POLR3B: variants seen among roughly 807,000 people sequenced by gnomAD.
POLR3B encodes RNA polymerase III subunit B.
In POLR3B, 96 loss-of-function variants were observed where a neutral mutation model predicts 147.4. The observed-to-expected ratio is 0.65, with a 90% CI of 0.55 to 0.77. The LOEUF (loss-of-function observed/expected upper bound fraction) is 0.77. Ranked by LOEUF, POLR3B falls within the 30% of genes least tolerant of loss-of-function variation. The pLI, the probability that POLR3B is intolerant of heterozygous loss-of-function variation, is 0.00. For missense variants in POLR3B, 1,036 were observed against 1,413.5 expected, an observed-to-expected ratio of 0.73 and a Z score of 4.28; for synonymous variants, 461 against 485.9, an observed-to-expected ratio of 0.95 and a Z score of 0.67.
At chr12:106,424,338 G>A (rs2037409811) in intron 12 of POLR3B, among the ~76,000 whole-genome samples, 1 of 152,136 alleles carries the variant, frequency 6.6e-6, no homozygotes, top group Admixed American at 6.6e-5. Context: ...CACTTTTTGT[G>A]CCATTGAAAT....
chr12:106,508,016 G>T (rs115462814), intron 27 of POLR3B, among the ~76,000 whole-genome samples: 2 of 152,202 alleles, frequency 1.3e-5, no homozygotes, highest in Non-Finnish European at 2.9e-5. Context: ...AAAATTTTAC[G>T]TATGATTTTG....
At chr12:106,380,392 G>A (rs527690342) in intron 9 of POLR3B, among the ~76,000 whole-genome samples, 7 of 145,286 alleles carry the variant, frequency 4.8e-5, no homozygotes, top group Non-Finnish European at 8.9e-5. Context: ...TGTGCAACAT[G>A]GTGAAACCCC....
At chr12:106,404,751 T>A (rs1245269725) in intron 10 of POLR3B, among the ~76,000 whole-genome samples, 1 of 152,160 alleles carries the variant, frequency 6.6e-6, no homozygotes, top group East Asian at 1.9e-4. Flanking sequence ...TTAGGAGGAT[T>A]TTTTTATTTG....
At chr12:106,437,932 G>T (rs1345219029) in intron 18 of POLR3B, among the ~76,000 whole-genome samples, 153 bp downstream of exon 18, 1 of 152,124 alleles carries the variant, frequency 6.6e-6, no homozygotes, top group East Asian at 1.9e-4. Flanking sequence ...TGAACATGCA[G>T]GTTTGTTACA....
intron 8 of POLR3B, 42 bp from the exon 9 acceptor site, chr12:106,379,989 C>A: frequency 1.8e-6 from 2 of 1,129,616 alleles, no homozygotes; most frequent in Non-Finnish European, 1.4e-6. Context: ...TAGCTTGAAA[C>A]TAAGTGGGGA....
intron 11 of POLR3B, among the ~76,000 whole-genome samples, chr12:106,406,577 C>T (rs1025541238): frequency 6.6e-6 from 1 of 152,176 alleles, no homozygotes; most frequent in African/African-American, 2.4e-5. Flanking sequence ...TTCACATTAT[C>T]CAGCCTCCTT....
intron 9 of POLR3B, among the ~76,000 whole-genome samples, chr12:106,384,897 A>T (rs1315839324): frequency 1.3e-5 from 2 of 149,912 alleles, no homozygotes; most frequent in Non-Finnish European, 3.0e-5. Flanking sequence ...GCGTGATCTC[A>T]GCTTAATGCA....
At chr12:106,368,857 G>T (rs146031509) in intron 4 of POLR3B, among the ~76,000 whole-genome samples, 1 of 151,720 alleles carries the variant, frequency 6.6e-6, no homozygotes, top group Non-Finnish European at 1.5e-5. Context: ...ATTAGTTTCC[G>T]CTTTATCCTT....
At chr12:106,449,891 A>C (rs1426344479) in intron 19 of POLR3B, among the ~76,000 whole-genome samples, 2 of 152,240 alleles carry the variant, frequency 1.3e-5, no homozygotes, top group Non-Finnish European at 2.9e-5. Context: ...TGAATGAATG[A>C]ATCTCTGAGA....
At chr12:106,402,656 A>G (rs1475049934) in intron 10 of POLR3B, among the ~76,000 whole-genome samples, 2 of 152,200 alleles carry the variant, frequency 1.3e-5, no homozygotes, top group Admixed American at 1.3e-4. Flanking sequence ...ATAATGCCAC[A>G]TATCTACAAC....
At chr12:106,472,635 G>T (rs2038110314) in intron 23 of POLR3B, among the ~76,000 whole-genome samples, 1 of 148,344 alleles carries the variant, frequency 6.7e-6, no homozygotes, top group Non-Finnish European at 1.5e-5. Flanking sequence ...ATTTTTTCAT[G>T]TGTTTTTTGG....
chr12:106,361,812 C>T (rs1489022095), intron 1 of POLR3B, among the ~76,000 whole-genome samples: 1 of 152,066 alleles, frequency 6.6e-6, no homozygotes, highest in African/African-American at 2.4e-5. Flanking sequence ...CAAGGCCCGG[C>T]CGGAGGAAGG....
At chr12:106,498,260 A>G (rs1200567568) in intron 25 of POLR3B, among the ~76,000 whole-genome samples, 2 of 152,180 alleles carry the variant, frequency 1.3e-5, no homozygotes, top group African/African-American at 4.8e-5. Flanking sequence ...AGTTCAGGGA[A>G]CAGGAAGAGG....
intron 16 of POLR3B, 58 bp from the exon 17 acceptor site, chr12:106,436,999 T>A: frequency 7.7e-7 from 1 of 1,306,468 alleles, no homozygotes. Flanking sequence ...TAAACTAACT[T>A]GCCTGTGTAA....
rs375679664 is a variant in POLR3B, at chr12:106,504,714, G to C, written c.3272+460G>C. Among the ~76,000 whole-genome samples, 1 of 152,190 alleles carries C rather than the reference G, an allele frequency of 6.6e-6. No individual in the cohort carries two copies. The highest frequency in any genetic ancestry group is 6.5e-5 in the Admixed American group (1 of 15,278). On this transcript the variant is annotated intron_variant, in intron 27 of 27. Coordinates refer to ENST00000228347, the MANE Select transcript of POLR3B (RefSeq NM_018082.6). The surrounding 1 kb of genome is among the most constrained non-coding windows in gnomAD (Gnocchi z 4.6). ...CAGAGCCAAGAGCCAAGACCAAGAC[G>C]ACCTGGTACCCTGCCCCCTTGTCTG...
chr12:106,405,996 T>C lies in POLR3B; in HGVS notation c.966+20T>C. ...GTCCCAGTGAGTAACACTTCGTTAT[T>C]GTGAATAAGGACTGTGGGGTCTGTG... On this transcript the variant is annotated intron_variant, in intron 11 of 27. Coordinates refer to ENST00000228347, the MANE Select transcript of POLR3B (RefSeq NM_018082.6). The C allele has an allele frequency of 6.2e-7, 1 of 1,612,994 alleles. No homozygotes were observed. The highest frequency in any genetic ancestry group is 8.5e-7 in the Non-Finnish European group (1 of 1,179,100).
chr12:106,399,269 T>A (rs1420869069), intron 10 of POLR3B, among the ~76,000 whole-genome samples: 2 of 151,674 alleles, frequency 1.3e-5, no homozygotes, highest in African/African-American at 4.8e-5. Flanking sequence ...AGAAGAGAAG[T>A]TTAGAGAAAA....
intron 9 of POLR3B, among the ~76,000 whole-genome samples, chr12:106,387,856 G>A (rs1316065111): frequency 1.3e-5 from 2 of 152,168 alleles, no homozygotes; most frequent in Non-Finnish European, 2.9e-5. Flanking sequence ...ACAGGATCAT[G>A]TATTTTTTGA....
chr12:106,380,907 A>T (rs1378374311), intron 9 of POLR3B, among the ~76,000 whole-genome samples: 1 of 152,268 alleles, frequency 6.6e-6, no homozygotes, highest in Non-Finnish European at 1.5e-5. Context: ...TAAAGCTAAT[A>T]TCACAGTAAA....
Sources: gnomAD v4.1 joint callset for allele counts (sites outside exome capture counted in the v4.1 genomes callset) on GRCh38, gnomAD v4.1.1 for gene constraint, Gnocchi (gnomAD v3.1) non-coding constraint, MANE v1.5 for transcripts, NCBI Gene and HGNC (gene_info 2026-07-23, HGNC 2026-07-21) for gene names.